PCBP3: variants seen among roughly 807,000 people sequenced by gnomAD.
PCBP3 encodes the protein poly(rC)-binding protein 3.
A neutral mutation model predicts 52.7 loss-of-function variants in PCBP3; 25 were observed. The ratio of observed to expected loss-of-function variants is 0.47; its 90% CI spans 0.35 to 0.66. The LOEUF (loss-of-function observed/expected upper bound fraction) is 0.66, where lower values mean the gene tolerates loss of function less well. PCBP3 is among the 30% of genes least tolerant of loss of function. The probability of loss-of-function intolerance (pLI) is 0.01; values close to 1 mark genes in which losing one functional copy is unlikely to be tolerated. For missense variants in PCBP3, 391 were observed against 490.3 expected, an observed-to-expected ratio of 0.80 and a Z score of 1.91; for synonymous variants, 162 against 183.0, an observed-to-expected ratio of 0.89 and a Z score of 0.93.
intron 2 of PCBP3, among the ~76,000 whole-genome samples, chr21:45,683,599 A>C (rs2081976711): frequency 6.6e-6 from 1 of 152,228 alleles, no homozygotes; most frequent in Non-Finnish European, 1.5e-5. Flanking sequence ...ATGTGACACT[A>C]TACCTTGAAG....
In PCBP3 at chr21:45,800,203, G is replaced by A. The variant is rs910652009; in HGVS notation, c.-126+44751G>A. Among the ~76,000 whole-genome samples, 4 of 152,200 alleles carry A rather than the reference G, an allele frequency of 2.6e-5. No individual in the cohort carries two copies. The highest frequency in any genetic ancestry group is 5.9e-5 in the Non-Finnish European group (4 of 68,030). ...GCACAGGCTGAGGGGCCAGGCAGCA[G>A]TTCCTCTCTTGCAGCTTTTTCTTGG... is the stretch of plus-strand genomic sequence containing the variant. On this transcript the variant is annotated intron_variant, in intron 4 of 17. Coordinates refer to ENST00000681687, the MANE Select transcript of PCBP3 (RefSeq NM_001384156.1). This position sits in a 1 kb window ranked among gnomAD's most constrained non-coding sequence, Gnocchi z 5.3.
intron 5 of PCBP3, among the ~76,000 whole-genome samples, chr21:45,850,407 A>G (rs952544100): frequency 1.3e-5 from 2 of 152,136 alleles, no homozygotes; most frequent in African/African-American, 4.8e-5. Context: ...CACAGGTTTC[A>G]GGAATGAAGG....
Position 45,848,756 on chromosome 21 carries a change from C to T in PCBP3, c.-125-1205C>T, listed in dbSNP as rs544913658. Among the ~76,000 whole-genome samples the T allele has an allele frequency of 1.1e-4, 17 of 152,246 alleles. No individual in the cohort carries two copies. The South Asian group carries it at 2.5e-3, about 22-fold the overall frequency. On this transcript the variant is annotated intron_variant, in intron 4 of 17. Coordinates refer to ENST00000681687, the MANE Select transcript of PCBP3 (RefSeq NM_001384156.1). ...TTACTCATTTTGCTTTGGACTGCAG[C>T]GCTGGGTGGGAGTTCTCAGTTCCAT...
rs773902554 is a variant in PCBP3, at chr21:45,940,037, G to C, written c.917G>C (p.Gly306Ala). 1.2e-6 allele frequency: 2 copies of C among 1,613,870 alleles called. No individual in the cohort carries two copies. Among genetic ancestry groups the C allele is most frequent in the Non-Finnish European group, 1.7e-6 (2 of 1,179,816 alleles). Residue 306 changes from glycine to alanine, a missense_variant, in exon 17 of 18, where the codon GGC (glycine) becomes GCC (alanine). Physicochemically the swap from Gly to Ala is moderately conservative, Grantham distance 60 (BLOSUM62 0). Coordinates refer to ENST00000681687, the MANE Select transcript of PCBP3 (RefSeq NM_001384156.1). ...HELTIPNDLI[G>A]CIIGRQGTKI... is the part of the protein sequence containing the mutation. ...CCCCGTCCTTGTTTCTAGCTAATAGGCTGCATAATTGGACGCCAAGGGACC... is the reference window on the plus strand; with the variant it reads ...CCCCGTCCTTGTTTCTAGCTAATAGCCTGCATAATTGGACGCCAAGGGACC...
At chr21:45,900,467 C>T (rs2096002337) in intron 7 of PCBP3, 124 bp from the exon 8 acceptor site, 3 of 721,866 alleles carry the variant, frequency 4.2e-6, no homozygotes, top group Non-Finnish European at 5.0e-6. Flanking sequence ...TTTGCTCCTC[C>T]AGCACAGGCA....
intron 3 of PCBP3, among the ~76,000 whole-genome samples, chr21:45,742,573 C>T (rs56012600): frequency 0.17 from 25,707 of 152,088 alleles, 2,301 homozygotes; most frequent in Middle Eastern, 0.32. Flanking sequence ...GTTGTGATGT[C>T]GTCTCTTATT....
chr21:45,912,154 G>A (rs1049704375), intron 11 of PCBP3, among the ~76,000 whole-genome samples: 10 of 152,222 alleles, frequency 6.6e-5, no homozygotes, highest in African/African-American at 2.2e-4. Context: ...AGATGCAGGT[G>A]CACCCGCTGC....
At chr21:45,650,988 T>G (rs959283198) in intron 1 of PCBP3, among the ~76,000 whole-genome samples, 1 of 152,046 alleles carries the variant, frequency 6.6e-6, no homozygotes, top group African/African-American at 2.4e-5. Flanking sequence ...GGAAACAAAT[T>G]TTGTCAATAA....
chr21:45,767,352 GCAT>G (rs1248469588), intron 4 of PCBP3, among the ~76,000 whole-genome samples: 5 of 152,218 alleles, frequency 3.3e-5, no homozygotes, highest in Non-Finnish European at 7.3e-5. Context: ...AGGTTTATCT[GCAT>G]CATCGTAGCA....
At chr21:45,686,737 C>T (rs542786533) in intron 2 of PCBP3, among the ~76,000 whole-genome samples, 3 of 152,158 alleles carry the variant, frequency 2.0e-5, no homozygotes, top group East Asian at 1.9e-4. Context: ...GGAACTTTGA[C>T]AGTGAAATAA....
chr21:45,911,089 G>A (rs1179509172), intron 11 of PCBP3, 59 bp downstream of exon 11: 8 of 1,584,366 alleles, frequency 5.0e-6, no homozygotes, highest in African/African-American at 1.3e-5. Context: ...TCCCAGCACT[G>A]CAGGCAAAGG....
intron 4 of PCBP3, among the ~76,000 whole-genome samples, chr21:45,846,825 C>T (rs2093824288): frequency 6.6e-6 from 1 of 152,246 alleles, no homozygotes; most frequent in African/African-American, 2.4e-5. Context: ...GCTCTTCAGC[C>T]TGGTGCGCTG....
chr21:45,716,281 A>G (rs116663520), intron 2 of PCBP3, among the ~76,000 whole-genome samples: 1 of 152,336 alleles, frequency 6.6e-6, no homozygotes, highest in East Asian at 1.9e-4. Flanking sequence ...CCAGTTGACT[A>G]TAAATGTAAG....
chr21:45,910,187 C>T (rs1205096051), intron 10 of PCBP3, among the ~76,000 whole-genome samples: 4 of 58,198 alleles, frequency 6.9e-5, no homozygotes, highest in Non-Finnish European at 1.0e-4. Context: ...ACGGACCCCC[C>T]CCACCCACTG....
intron 1 of PCBP3, among the ~76,000 whole-genome samples, chr21:45,664,740 A>G (rs1200837021): frequency 6.7e-6 from 1 of 148,616 alleles, no homozygotes; most frequent in Non-Finnish European, 1.5e-5. Flanking sequence ...AGCATTAGGT[A>G]TATCTCCCAA....
At chr21:45,874,971 T>C (rs1018744597) in intron 5 of PCBP3, among the ~76,000 whole-genome samples, 2 of 152,178 alleles carry the variant, frequency 1.3e-5, no homozygotes, top group African/African-American at 4.8e-5. Context: ...GCAGGAGTGC[T>C]GCAGGAGTGC....
intron 4 of PCBP3, among the ~76,000 whole-genome samples, chr21:45,848,970 C>T (rs1221260006): frequency 1.3e-5 from 2 of 152,202 alleles, no homozygotes; most frequent in Non-Finnish European, 2.9e-5. Context: ...TGGGAATGGA[C>T]ATGCCAAGGG....
intron 13 of PCBP3, among the ~76,000 whole-genome samples, chr21:45,926,152 G>A (rs413246): frequency 0.2 from 29,871 of 152,222 alleles, 3,756 homozygotes; most frequent in Non-Finnish European, 0.28. Context: ...CCACACAGAC[G>A]ATGGTGATGC....
intron 13 of PCBP3, among the ~76,000 whole-genome samples, chr21:45,920,622 T>G: frequency 6.6e-6 from 1 of 151,272 alleles, no homozygotes; most frequent in Non-Finnish European, 1.5e-5. Context: ...GGCTGGGGAG[T>G]GATTGGGTCA....
Sources: gnomAD v4.1 joint callset for allele counts (sites outside exome capture counted in the v4.1 genomes callset) on GRCh38, gnomAD v4.1.1 for gene constraint, Gnocchi (gnomAD v3.1) non-coding constraint, MANE v1.5 for transcripts, NCBI Gene and HGNC (gene_info 2026-07-23, HGNC 2026-07-21) for gene names.